The following TSBP1 variants were observed in gnomAD, a reference collection of about 807,000 sequenced individuals.
The protein encoded by TSBP1 is testis expressed basic protein 1.
Under a neutral mutation model 68.8 loss-of-function variants are expected in TSBP1, and 56 were observed. That is an observed-to-expected ratio of 0.81 (90% CI 0.66 to 1.02). TSBP1 has a LOEUF of 1.02. Ranked by LOEUF, TSBP1 falls within the 50% of genes least tolerant of loss-of-function variation. The pLI, the probability that TSBP1 is intolerant of heterozygous loss-of-function variation, is 0.00. For synonymous variants in TSBP1, 171 were observed against 208.7 expected (o/e 0.82, Z 1.56); for missense variants, 502 against 641.2 (o/e 0.78, Z 2.34).
chr6:32,366,062 T>TCTG (rs1300901184), intron 6 of TSBP1, 105 bp downstream of exon 6: 16 of 1,491,462 alleles, frequency 1.1e-5, no homozygotes, highest in Non-Finnish European at 1.5e-5. Flanking sequence ...TACTTTGATT[T>TCTG]CTTCTTCTTT....
intron 3 of TSBP1, among the ~76,000 whole-genome samples, chr6:32,368,253 C>A (rs1157917143): frequency 6.6e-6 from 1 of 152,058 alleles, no homozygotes; most frequent in Non-Finnish European, 1.5e-5. Context: ...TGCCTCATAC[C>A]AATCCTGTGC....
chr6:32,347,719 T>C (rs55967581), intron 9 of TSBP1, among the ~76,000 whole-genome samples: 23,319 of 152,126 alleles, frequency 0.15, 2,180 homozygotes, highest in East Asian at 0.29. Context: ...AAAAGACTTT[T>C]TGTAATCTGG....
At chr6:32,330,601 G>A (rs149522773) in exon 16 of TSBP1, 1 of 1,601,852 alleles carries the variant, frequency 6.2e-7, no homozygotes. Context: ...TTGGATCCAG[G>A]ATATTGTACT....
rs1312342331 is a variant in TSBP1, at chr6:32,336,600, A to C, written c.430+15T>G. 3.7e-6 allele frequency: 6 copies of C among 1,611,152 alleles called. No homozygotes were observed. Among genetic ancestry groups the C allele is most frequent in the Middle Eastern group, 1.6e-4 (1 of 6,082 alleles). Reference sequence around the variant, plus strand: ...ATCAAAGGGACCAGAGTGGAAAAACAAACTTGATACTTACGAATAGGGGCT... The same window carrying C: ...ATCAAAGGGACCAGAGTGGAAAAACCAACTTGATACTTACGAATAGGGGCT... On this transcript the variant is annotated intron_variant, in intron 12 of 22. Transcript: ENST00000612031. This position sits in a 1 kb window ranked among gnomAD's most constrained non-coding sequence, Gnocchi z 5.2.
In TSBP1 at chr6:32,293,678, C is replaced by G; in HGVS notation, c.995G>C (p.Arg332Thr). ...CTTCTTTACTTGGGACTCCTGTCCTCTTGGTACATCTGACACACTTTTCTT... is the reference window on the plus strand; with the variant it reads ...CTTCTTTACTTGGGACTCCTGTCCTGTTGGTACATCTGACACACTTTTCTT... Residue 332 changes from arginine to threonine, a missense_variant, in exon 23 of 23, where the codon AGA (arginine) becomes ACA (threonine). Physicochemically the swap from Arg to Thr is moderately conservative, Grantham distance 71. Transcript: ENST00000612031. 2 of 1,612,666 alleles carry G rather than the reference C, an allele frequency of 1.2e-6. 1 individual carries two copies. The highest frequency in any genetic ancestry group is 2.2e-5 in the South Asian group (2 of 91,080).
chr6:32,349,195 C>CTTT (rs9279592), intron 9 of TSBP1, among the ~76,000 whole-genome samples: 4 of 134,406 alleles, frequency 3.0e-5, no homozygotes, highest in East Asian at 2.1e-4. Flanking sequence ...CCATTTCTTT[C>CTTT]TTTTTTTTTT....
At chr6:32,309,599 T>G (rs1357403214) in intron 19 of TSBP1, among the ~76,000 whole-genome samples, 1 of 152,184 alleles carries the variant, frequency 6.6e-6, no homozygotes, top group East Asian at 1.9e-4. Flanking sequence ...TTTAAAATTT[T>G]TTTATTTTTA....
chr6:32,322,118 C>T (rs1263516047), intron 18 of TSBP1, among the ~76,000 whole-genome samples: 2 of 152,106 alleles, frequency 1.3e-5, no homozygotes, highest in Admixed American at 6.6e-5. Flanking sequence ...GGAATCCCAG[C>T]GATGTTAGGT....
At chr6:32,350,061 C>A in intron 8 of TSBP1, 1 of 661,496 alleles carries the variant, frequency 1.5e-6, no homozygotes, top group Non-Finnish European at 2.8e-6. Flanking sequence ...TTTTCTGTCC[C>A]TATAAGTCTT....
At chr6:32,368,084 G>A (rs1773976547) in intron 3 of TSBP1, 127 bp from the exon 4 acceptor site, 7 of 748,184 alleles carry the variant, frequency 9.4e-6, no homozygotes. Context: ...AATTTACTTT[G>A]CAGGAACTAG....
At chr6:32,308,436 A>C (rs1765997924) in intron 19 of TSBP1, among the ~76,000 whole-genome samples, 1 of 150,534 alleles carries the variant, frequency 6.6e-6, no homozygotes, top group Non-Finnish European at 1.5e-5. Context: ...GTCTCTACTA[A>C]AAATACAAAA....
chr6:32,321,304 T>C lies in TSBP1; in HGVS notation c.559+1813A>G, dbSNP rs1244182328. Among the ~76,000 whole-genome samples the C allele has an allele frequency of 2.0e-5, 3 of 152,116 alleles. No homozygotes were observed. The highest frequency in any genetic ancestry group is 2.0e-4 in the Admixed American group (3 of 15,268). On this transcript the variant is annotated intron_variant, in intron 18 of 22. Transcript: ENST00000612031. The surrounding 1 kb of genome is among the most constrained non-coding windows in gnomAD (Gnocchi z 4.3). The stretch of plus-strand genomic sequence containing the variant: ...TTTCATCCCCTCTACTAGGATGATA[T>C]ATAGGATCCAAGACCCTATATATCT...
Position 32,302,736 on chromosome 6 carries a change from G to T in TSBP1, c.581-107C>A. 1.4e-6 allele frequency: 1 copy of T among 730,818 alleles called. No homozygotes were observed. The highest frequency in any genetic ancestry group is 2.3e-6 in the Non-Finnish European group (1 of 431,472). The allele number at this position is 730,818 out of a possible 1,614,324, so 45.3% of individuals were successfully genotyped here. A position where few individuals can be genotyped will look rare whatever the true frequency, so the allele number is the denominator to read the frequency against. ...GTTGTTTTTTCTAGGGTACCATAAA[G>T]ACTTCTAGCAGAATACAATGAAATA... On this transcript the variant is annotated intron_variant, in intron 19 of 22. Transcript: ENST00000612031. The surrounding 1 kb of genome is among the most constrained non-coding windows in gnomAD (Gnocchi z 5.1).
intron 22 of TSBP1, among the ~76,000 whole-genome samples, chr6:32,297,855 T>C (rs145857559): frequency 0.014 from 2,065 of 152,142 alleles, 35 homozygotes; most frequent in Admixed American, 0.031. Context: ...GGCCAGGAGT[T>C]CGAGGCCAGC....
Position 32,331,281 on chromosome 6 carries a change from T to A in TSBP1, c.494-672A>T, listed in dbSNP as rs139661907. On this transcript the variant is annotated intron_variant, in intron 15 of 22. Coordinates refer to ENST00000612031, the Ensembl canonical transcript of TSBP1. ...TTTATGTTCTTGTTCATTTCTTATA[T>A]TCTTTTCCAGATTCGATTACACCTT... Among the ~76,000 whole-genome samples the A allele has an allele frequency of 3.2e-3, 493 of 152,356 alleles. 3 individuals are homozygous for A. Among genetic ancestry groups the A allele is most frequent in the African/African-American group, 0.011 (472 of 41,588 alleles).
Position 32,335,470 on chromosome 6 carries a change from G to T in TSBP1, c.452-13C>A. ...TTTTGAGAGAGCTCTAAAAAAAAAA[G>T]AGAAAAGAAATCAGTAGCTATATAT... On this transcript the variant is annotated splice_polypyrimidine_tract_variant and intron_variant, in intron 13 of 22. Transcript: ENST00000612031. The surrounding 1 kb of genome is among the most constrained non-coding windows in gnomAD (Gnocchi z 5.5). 1 of 1,403,278 alleles carries T rather than the reference G, an allele frequency of 7.1e-7. No homozygotes were observed. The highest frequency in any genetic ancestry group is 9.5e-7 in the Non-Finnish European group (1 of 1,050,954). 86.9% of individuals were successfully genotyped at this position (1,403,278 alleles called of 1,614,324 possible). A position where few individuals can be genotyped will look rare whatever the true frequency, so the allele number is the denominator to read the frequency against.
At chr6:32,347,709 A>G (rs28366182) in intron 9 of TSBP1, among the ~76,000 whole-genome samples, 9,623 of 152,224 alleles carry the variant, frequency 0.063, 402 homozygotes, top group Admixed American at 0.086. Flanking sequence ...ATTTTATTCT[A>G]AAAGACTTTT....
Position 32,335,442 on chromosome 6 carries a change from GT to G in TSBP1, c.466del (p.Thr156ProfsTer31). ...TTGAGAATCAGATGACTTACCAATG[GT>G]TTTTTGAGAGAGCTCTAAAAAAAAA... On this transcript the variant is annotated frameshift_variant, in exon 14 of 23. Transcript: ENST00000612031. LOFTEE classifies it high-confidence loss of function. The surrounding 1 kb of genome is among the most constrained non-coding windows in gnomAD (Gnocchi z 5.5). The G allele has an allele frequency of 3.3e-6, 5 of 1,492,764 alleles. No homozygotes were observed. The highest frequency in any genetic ancestry group is 3.6e-6 in the Non-Finnish European group (4 of 1,118,956). 92.5% of individuals were successfully genotyped at this position (1,492,764 alleles called of 1,614,324 possible).
chr6:32,342,323 C>T (rs1014915044), intron 9 of TSBP1, among the ~76,000 whole-genome samples: 2 of 151,988 alleles, frequency 1.3e-5, no homozygotes, highest in African/African-American at 4.8e-5. Flanking sequence ...ACCACCACGC[C>T]CAGCTAATTT....
Sources: allele counts gnomAD v4.1 joint callset (sites outside exome capture counted in the v4.1 genomes callset), GRCh38; gene constraint gnomAD v4.1.1; non-coding constraint Gnocchi (gnomAD v3.1); transcripts MANE v1.5; gene names NCBI Gene and HGNC (gene_info 2026-07-23, HGNC 2026-07-21).